NRXN3: variants seen among roughly 807,000 people sequenced by gnomAD.
NRXN3 encodes the protein neurexin 3, also known as neurexin III.
Under a neutral mutation model 137.6 loss-of-function variants are expected in NRXN3, and 32 were observed. The ratio of observed to expected loss-of-function variants is 0.23; its 90% CI spans 0.18 to 0.31. The LOEUF (loss-of-function observed/expected upper bound fraction) is 0.31. NRXN3 is among the 10% of genes least tolerant of loss of function. The pLI is 1.00. For synonymous variants in NRXN3, 798 were observed against 784.5 expected (o/e 1.02, Z -0.29); for missense variants, 1,574 against 2,062.5 (o/e 0.76, Z 4.59).
chr14:78,579,891 A>T (rs1277053906), intron 4 of NRXN3, among the ~76,000 whole-genome samples: 1 of 152,224 alleles, frequency 6.6e-6, no homozygotes, highest in Non-Finnish European at 1.5e-5. Context: ...AAGTCACTCC[A>T]GCTCCTCACT....
intron 4 of NRXN3, among the ~76,000 whole-genome samples, chr14:78,492,584 A>G (rs958003667): frequency 2.0e-5 from 3 of 152,206 alleles, no homozygotes; most frequent in South Asian, 2.1e-4. Flanking sequence ...AACATGACAT[A>G]TAAATGGGTG....
intron 8 of NRXN3, among the ~76,000 whole-genome samples, chr14:78,780,618 C>A (rs1595798442): frequency 6.6e-6 from 1 of 152,058 alleles, no homozygotes; most frequent in East Asian, 1.9e-4. Flanking sequence ...AGAAAAATAA[C>A]CCAATGAAAA....
chr14:78,425,128 G>T (rs575379211), intron 4 of NRXN3, among the ~76,000 whole-genome samples: 1 of 152,188 alleles, frequency 6.6e-6, no homozygotes, highest in African/African-American at 2.4e-5. Flanking sequence ...CAATAGACCA[G>T]TATCCAATGT....
chr14:79,135,860 C>T (rs75123192), intron 15 of NRXN3, among the ~76,000 whole-genome samples: 1,839 of 152,300 alleles, frequency 0.012, 19 homozygotes, highest in Admixed American at 0.021. Context: ...TCTAAGATCA[C>T]ACAGCTCATT....
rs187711716 is a variant in NRXN3 at position 79,407,873 on chromosome 14, C to T, written c.3263-59348C>T. ...GCCTAGTCTTTAGTGAATGGAACTTCGGGTGTTCATTATTGTTGATATTGC... is the reference window on the plus strand; with the variant it reads ...GCCTAGTCTTTAGTGAATGGAACTTTGGGTGTTCATTATTGTTGATATTGC... On this transcript the variant is annotated intron_variant, in intron 15 of 20. Transcript: ENST00000335750. Among the ~76,000 whole-genome samples, 666 of 152,090 alleles carry T rather than the reference C, an allele frequency of 4.4e-3. 5 individuals are homozygous for T. The highest frequency in any genetic ancestry group is 7.7e-3 in the Non-Finnish European group (522 of 67,972).
At chr14:78,951,762 G>A (rs1396873601) in intron 10 of NRXN3, among the ~76,000 whole-genome samples, 1 of 152,096 alleles carries the variant, frequency 6.6e-6, no homozygotes, top group Non-Finnish European at 1.5e-5. Flanking sequence ...ACAGTGCCTG[G>A]TTGCCTTCTG....
intron 8 of NRXN3, among the ~76,000 whole-genome samples, chr14:78,738,513 T>G (rs1863032): frequency 6.6e-6 from 1 of 152,080 alleles, no homozygotes. Flanking sequence ...ATCTGTGTGT[T>G]GCTGCCCATC....
chr14:79,698,798 T>C (rs1032835118), intron 19 of NRXN3, among the ~76,000 whole-genome samples: 5 of 152,016 alleles, frequency 3.3e-5, no homozygotes, highest in East Asian at 1.9e-4. Flanking sequence ...ATCAGTAGAT[T>C]AGCACTTGTC....
At chr14:79,216,508 T>G (rs531458351) in intron 15 of NRXN3, among the ~76,000 whole-genome samples, 1 of 152,312 alleles carries the variant, frequency 6.6e-6, no homozygotes, top group African/African-American at 2.4e-5. Flanking sequence ...ATGTTACATC[T>G]GATTTTGAAA....
At position 79,579,502 on chromosome 14, in the gene NRXN3, A is replaced by G. The variant is rs75401176; in HGVS notation, c.3445-84276A>G. Among the ~76,000 whole-genome samples, 36 of 151,944 alleles carry G rather than the reference A, an allele frequency of 2.4e-4. 2 individuals are homozygous for G. The East Asian group carries it at 6.8e-3, about 29-fold the overall frequency. On this transcript the variant is annotated intron_variant, in intron 16 of 20. Transcript: ENST00000335750. ...GTGTGATGGGACTGATAATATAACC[A>G]GGAGCTCTCCAAATTATCATTCATG...
chr14:78,911,909 T>C (rs1332190405), intron 10 of NRXN3, among the ~76,000 whole-genome samples: 1 of 151,306 alleles, frequency 6.6e-6, no homozygotes, highest in Admixed American at 6.6e-5. Context: ...TATGTTTTTT[T>C]CCTTATGTAC....
intron 4 of NRXN3, among the ~76,000 whole-genome samples, chr14:78,610,852 T>C (rs2097295001): frequency 6.6e-6 from 1 of 152,176 alleles, no homozygotes; most frequent in African/African-American, 2.4e-5. Flanking sequence ...GAATATGAGT[T>C]GAGAGGAAAT....
At chr14:78,468,680 C>G (rs909187936) in intron 4 of NRXN3, among the ~76,000 whole-genome samples, 4 of 152,158 alleles carry the variant, frequency 2.6e-5, no homozygotes, top group South Asian at 2.1e-4. Context: ...AGAGAAGCTA[C>G]AAACTCAAAA....
chr14:79,711,514 C>CTTACT (rs1280382471), intron 19 of NRXN3, among the ~76,000 whole-genome samples: 2 of 151,648 alleles, frequency 1.3e-5, no homozygotes, highest in East Asian at 1.9e-4. Context: ...GAGATGAGGT[C>CTTACT]TTACTTTATT....
chr14:78,394,219 G>T (rs1341108903), intron 4 of NRXN3, among the ~76,000 whole-genome samples: 1 of 151,802 alleles, frequency 6.6e-6, no homozygotes, highest in African/African-American at 2.4e-5. Flanking sequence ...GTTAGCTATT[G>T]GTTTTCTGTA....
intron 4 of NRXN3, among the ~76,000 whole-genome samples, chr14:78,517,242 A>G (rs1257037663): frequency 2.6e-5 from 4 of 152,156 alleles, no homozygotes. Context: ...ACTTTAGATA[A>G]TGAAAAGGAT....
intron 15 of NRXN3, among the ~76,000 whole-genome samples, chr14:79,461,878 C>T (rs1314341694): frequency 6.6e-6 from 1 of 152,142 alleles, no homozygotes; most frequent in Non-Finnish European, 1.5e-5. Flanking sequence ...GGAAGACCAA[C>T]ATACCTTACC....
At chr14:79,657,157 A>T (rs1444781591) in intron 16 of NRXN3, among the ~76,000 whole-genome samples, 1 of 152,218 alleles carries the variant, frequency 6.6e-6, no homozygotes, top group East Asian at 1.9e-4. Context: ...TAACACAAGT[A>T]TTACTGTTGC....
At chr14:79,261,102 G>A (rs928593746) in intron 15 of NRXN3, among the ~76,000 whole-genome samples, 3 of 152,170 alleles carry the variant, frequency 2.0e-5, no homozygotes, top group African/African-American at 4.8e-5. Flanking sequence ...TGGACTTGAT[G>A]TGCTGGGAAG....
Sources: gnomAD v4.1 joint callset for allele counts (sites outside exome capture counted in the v4.1 genomes callset) on GRCh38, gnomAD v4.1.1 for gene constraint, MANE v1.5 for transcripts, NCBI Gene and HGNC (gene_info 2026-07-23, HGNC 2026-07-21) for gene names.